ADAMTS12: variants seen among roughly 807,000 people sequenced by gnomAD.
ADAMTS12 encodes ADAM metallopeptidase with thrombospondin type 1 motif 12, also known as A disintegrin and metalloproteinase with thrombospondin motifs 12.
Under a neutral mutation model 167.8 loss-of-function variants are expected in ADAMTS12, and 118 were observed. The observed-to-expected ratio is 0.70, with a 90% CI of 0.61 to 0.82. The LOEUF (loss-of-function observed/expected upper bound fraction) is 0.82. ADAMTS12 is among the 40% of genes least tolerant of loss of function. The probability of loss-of-function intolerance (pLI) is 0.00; values close to 1 mark genes in which losing one functional copy is unlikely to be tolerated. For missense variants in ADAMTS12, 1,916 were observed against 1,998.8 expected, an observed-to-expected ratio of 0.96 and a Z score of 0.79; for synonymous variants, 704 against 716.9, an observed-to-expected ratio of 0.98 and a Z score of 0.29.
chr5:33,827,222 A>G (rs1318676839), intron 2 of ADAMTS12, among the ~76,000 whole-genome samples: 3 of 81,804 alleles, frequency 3.7e-5, no homozygotes, highest in African/African-American at 1.2e-4. Context: ...CGGTGATGGG[A>G]AACAGAAGAG....
At chr5:33,879,416 G>C (rs796976395) in intron 2 of ADAMTS12, among the ~76,000 whole-genome samples, 1 of 152,260 alleles carries the variant, frequency 6.6e-6, no homozygotes, top group Non-Finnish European at 1.5e-5. Context: ...GGCCATAGAG[G>C]ACCAGGTGCC....
At chr5:33,885,022 A>C (rs1278216302) in intron 1 of ADAMTS12, among the ~76,000 whole-genome samples, 1 of 152,092 alleles carries the variant, frequency 6.6e-6, no homozygotes, top group African/African-American at 2.4e-5. Context: ...CTATTGAAAA[A>C]CTCTGAAAAG....
chr5:33,767,235 C>T (rs1745566978), intron 2 of ADAMTS12, among the ~76,000 whole-genome samples: 1 of 152,112 alleles, frequency 6.6e-6, no homozygotes. Context: ...GAAAGAAATA[C>T]ATATGTTTTA....
chr5:33,760,419 T>C (rs937376375), intron 2 of ADAMTS12, among the ~76,000 whole-genome samples: 4 of 151,868 alleles, frequency 2.6e-5, no homozygotes, highest in Admixed American at 2.0e-4. Context: ...GCAGATACTC[T>C]AGCTGAATAA....
intron 1 of ADAMTS12, chr5:33,891,493 T>A (rs1750850401): frequency 1.9e-6 from 1 of 533,772 alleles, no homozygotes; most frequent in Non-Finnish European, 3.3e-6. Flanking sequence ...TGCAGTGTCA[T>A]CCCTGTAAAA....
chr5:33,532,494 T>C (rs2111740541), intron 23 of ADAMTS12, among the ~76,000 whole-genome samples: 1 of 152,032 alleles, frequency 6.6e-6, no homozygotes, highest in East Asian at 1.9e-4. Flanking sequence ...TTTTTGGCCT[T>C]TTCTACCCTT....
At chr5:33,776,139 C>T (rs1214524322) in intron 2 of ADAMTS12, among the ~76,000 whole-genome samples, 4 of 152,186 alleles carry the variant, frequency 2.6e-5, no homozygotes, top group Admixed American at 2.6e-4. Context: ...GACTTCAATG[C>T]TCTTCCTTTA....
chr5:33,777,578 T>C (rs1745958982), intron 2 of ADAMTS12, among the ~76,000 whole-genome samples: 1 of 152,076 alleles, frequency 6.6e-6, no homozygotes, highest in Non-Finnish European at 1.5e-5. Flanking sequence ...ACAGACTAAA[T>C]GGTAAAAAGC....
At chr5:33,534,274 CT>C (rs1744260539) in intron 23 of ADAMTS12, among the ~76,000 whole-genome samples, 3 of 151,856 alleles carry the variant, frequency 2.0e-5, no homozygotes, top group Admixed American at 6.6e-5. Context: ...CAGGCTGAAG[CT>C]AGGACTCAGG....
chr5:33,797,506 C>G (rs1313270397), intron 2 of ADAMTS12, among the ~76,000 whole-genome samples: 2 of 149,470 alleles, frequency 1.3e-5, no homozygotes, highest in African/African-American at 2.4e-5. Context: ...AGGGACACAG[C>G]GAGATTGACC....
At chr5:33,649,390 C>T (rs1337192713) in intron 8 of ADAMTS12, among the ~76,000 whole-genome samples, 164 bp downstream of exon 8, 1 of 152,204 alleles carries the variant, frequency 6.6e-6, no homozygotes, top group African/African-American at 2.4e-5. Flanking sequence ...ACCTCAGGAT[C>T]AGAATGCAGA....
At chr5:33,538,771 T>A (rs1405566151) in intron 22 of ADAMTS12, among the ~76,000 whole-genome samples, 2 of 152,138 alleles carry the variant, frequency 1.3e-5, no homozygotes, top group African/African-American at 4.8e-5. Flanking sequence ...ACACACCACT[T>A]CATTTTTGAC....
chr5:33,553,643 T>C (rs954630352), intron 20 of ADAMTS12, among the ~76,000 whole-genome samples: 1 of 152,108 alleles, frequency 6.6e-6, no homozygotes, highest in Non-Finnish European at 1.5e-5. Flanking sequence ...TGTTCTCACT[T>C]ATAAGTGGGA....
intron 2 of ADAMTS12, among the ~76,000 whole-genome samples, chr5:33,760,693 TA>T (rs1745322184): frequency 6.6e-6 from 1 of 152,226 alleles, no homozygotes; most frequent in South Asian, 2.1e-4. Context: ...AACTTCTCTC[TA>T]ACACTGTTCT....
At chr5:33,625,612 A>G (rs1739550501) in intron 13 of ADAMTS12, among the ~76,000 whole-genome samples, 1 of 152,264 alleles carries the variant, frequency 6.6e-6, no homozygotes, top group Non-Finnish European at 1.5e-5. Context: ...AAAGAAAGTC[A>G]GAAAAGCAAA....
At chr5:33,592,266 CA>C (rs368903016) in intron 17 of ADAMTS12, among the ~76,000 whole-genome samples, 3 of 149,526 alleles carry the variant, frequency 2.0e-5, no homozygotes, top group Non-Finnish European at 2.9e-5. Context: ...AACAAAAAAA[CA>C]AAAAACAAAA....
chr5:33,616,693 C>T (rs1296582974), intron 14 of ADAMTS12, among the ~76,000 whole-genome samples: 2 of 152,148 alleles, frequency 1.3e-5, no homozygotes, highest in African/African-American at 4.8e-5. Context: ...AGTTTTCTTT[C>T]TCATTTTTTC....
intron 2 of ADAMTS12, among the ~76,000 whole-genome samples, chr5:33,810,203 C>T (rs999729757): frequency 6.6e-6 from 1 of 151,888 alleles, no homozygotes; most frequent in Non-Finnish European, 1.5e-5. Context: ...CATCTGGTAG[C>T]AGAAAAAAAT....
chr5:33,829,728 G>A (rs2112516765), intron 2 of ADAMTS12, among the ~76,000 whole-genome samples: 2 of 152,258 alleles, frequency 1.3e-5, no homozygotes, highest in East Asian at 1.9e-4. Flanking sequence ...ACACATCTAA[G>A]AGCAGATTTC....
Sources: gnomAD v4.1 joint callset for allele counts (sites outside exome capture counted in the v4.1 genomes callset) on GRCh38, gnomAD v4.1.1 for gene constraint, MANE v1.5 for transcripts, NCBI Gene and HGNC (gene_info 2026-07-23, HGNC 2026-07-21) for gene names.